ETS1: variants seen among roughly 807,000 people sequenced by gnomAD.
ETS1 encodes protein C-ets-1.
In ETS1, 15 loss-of-function variants were observed where a neutral mutation model predicts 58.6. The ratio of observed to expected loss-of-function variants is 0.26; its 90% confidence interval spans 0.17 to 0.39. The LOEUF is 0.39. ETS1 is among the 10% of genes least tolerant of loss of function. ETS1 has a pLI of 1.00. For missense variants in ETS1, 417 were observed against 610.5 expected (o/e 0.68, Z 3.34); for synonymous variants, 214 against 218.2 (o/e 0.98, Z 0.17).
At position 128,486,703 on chromosome 11, in the gene ETS1, T is replaced by C. The variant is rs764198007; in HGVS notation, c.536-557A>G. Among the ~76,000 whole-genome samples the C allele has an allele frequency of 6.5e-4, 99 of 152,260 alleles. 1 individual carries two copies. Among genetic ancestry groups the C allele is most frequent in the Non-Finnish European group, 1.3e-3 (86 of 68,020 alleles). Reference sequence around the variant, plus strand: ...CAGGACACTGGTAAGGTGACTCCATTTGGTGAAATGCGACTGCGCTTGTGT... The same window carrying C: ...CAGGACACTGGTAAGGTGACTCCATCTGGTGAAATGCGACTGCGCTTGTGT... On this transcript the variant is annotated intron_variant, in intron 5 of 9. Transcript: ENST00000392668.
At chr11:128,501,989 G>C (rs1026749713) in intron 3 of ETS1, among the ~76,000 whole-genome samples, 1 of 152,176 alleles carries the variant, frequency 6.6e-6, no homozygotes, top group African/African-American at 2.4e-5. Flanking sequence ...AAGAAAGACA[G>C]AGAAAGGGGG....
intron 3 of ETS1, among the ~76,000 whole-genome samples, chr11:128,510,542 G>C (rs1591630583): frequency 6.6e-6 from 1 of 152,144 alleles, no homozygotes; most frequent in Non-Finnish European, 1.5e-5. Context: ...TACATGGAGG[G>C]CACCAAGCCA....
Position 128,571,501 on chromosome 11 carries a change from CAAAAAAAAAAAAAAAAAAAAAAAA to C in ETS1, c.69+1537_69+1560del, listed in dbSNP as rs563312769. Among the ~76,000 whole-genome samples the C allele has an allele frequency of 1.2e-4, 4 of 32,896 alleles. 1 individual carries two copies. Among genetic ancestry groups the C allele is most frequent in the South Asian group, 4.0e-3 (2 of 500 alleles). 21.6% of individuals were successfully genotyped at this position (32,896 alleles called of 152,430 possible). Reference sequence around the variant, plus strand: ...CCTGGGCGACAGAGCAAGACTCCGTCAAAAAAAAAAAAAAAAAAAAAAAAAAAAAAAAAAAAAAAAAACTTCAAA... The same window carrying C: ...CCTGGGCGACAGAGCAAGACTCCGTCAAAAAAAAAAAAAAAAAACTTCAAA... On this transcript the variant is annotated intron_variant, in intron 2 of 9. Coordinates refer to ENST00000392668, the MANE Select transcript of ETS1 (RefSeq NM_001143820.2).
intron 2 of ETS1, among the ~76,000 whole-genome samples, chr11:128,560,294 G>A (rs556083313): frequency 6.6e-6 from 1 of 152,128 alleles, no homozygotes; most frequent in Non-Finnish European, 1.5e-5. Context: ...TGTATTTTTA[G>A]TAGAGTCGGG....
chr11:128,575,035 A>C (rs1439106460), intron 1 of ETS1, among the ~76,000 whole-genome samples: 1 of 152,080 alleles, frequency 6.6e-6, no homozygotes, highest in African/African-American at 2.4e-5. Context: ...GATTTCCTCC[A>C]AAAAAAGCCC....
rs772200837 is a variant in ETS1 at position 128,556,380 on chromosome 11, G to T, written c.125C>A (p.Ser42Tyr). The change falls in exon 3 of 10, where the codon TCC becomes TAC. Residue 42 changes from serine to tyrosine, a missense_variant. Transcript: ENST00000392668. ...EDPRMNCGFQ[S>Y]NYHQQRPCYP... ...GCAAGGTCTTTGCTGGTGATAATTGGACTGGAAACCACAGTTCATTCGAGG... is the reference window on the plus strand; with the variant it reads ...GCAAGGTCTTTGCTGGTGATAATTGTACTGGAAACCACAGTTCATTCGAGG... The T allele has an allele frequency of 6.2e-7, 1 of 1,612,770 alleles. No homozygotes were observed. The highest frequency in any genetic ancestry group is 1.1e-5 in the South Asian group (1 of 91,044).
chr11:128,465,399 C>T (rs570916369), intron 8 of ETS1, among the ~76,000 whole-genome samples: 49 of 152,314 alleles, frequency 3.2e-4, no homozygotes, highest in African/African-American at 1.1e-3. Context: ...AAAACCGTTT[C>T]GTATTCAACT....
chr11:128,563,412 G>A (rs1161583658), intron 2 of ETS1, among the ~76,000 whole-genome samples: 2 of 152,184 alleles, frequency 1.3e-5, no homozygotes, highest in Non-Finnish European at 1.5e-5. Context: ...AAAGACACAA[G>A]ACTAGAAATC....
rs747003708 is a variant in ETS1 at position 128,463,642 on chromosome 11, C to A, written c.1124-15G>T. ...TGGTCCACTGCCTAGAAACACAAGC[C>A]ATTGTGAATCATTACACCAGATATT... On this transcript the variant is annotated splice_polypyrimidine_tract_variant and intron_variant, in intron 8 of 9. Transcript: ENST00000392668. The surrounding 1 kb of genome is among the most constrained non-coding windows in gnomAD (Gnocchi z 4.1). 7.5e-7 allele frequency: 1 copy of A among 1,339,284 alleles called. No homozygotes were observed. Among genetic ancestry groups the A allele is most frequent in the Non-Finnish European group, 1.1e-6 (1 of 929,382 alleles). 83.0% of individuals were successfully genotyped at this position (1,339,284 alleles called of 1,614,324 possible).
chr11:128,518,962 A>G (rs1863595039), intron 3 of ETS1, among the ~76,000 whole-genome samples: 1 of 152,200 alleles, frequency 6.6e-6, no homozygotes, highest in Non-Finnish European at 1.5e-5. Flanking sequence ...AGAGTGTTGA[A>G]GGAAAGGAAA....
At chr11:128,561,792 G>T (rs191343621) in intron 2 of ETS1, among the ~76,000 whole-genome samples, 51 of 152,318 alleles carry the variant, frequency 3.3e-4, no homozygotes, top group Middle Eastern at 3.4e-3. Flanking sequence ...AGTTCAGATG[G>T]AGTGAGGGCA....
At chr11:128,529,472 G>A (rs573316360) in intron 3 of ETS1, among the ~76,000 whole-genome samples, 20 of 152,174 alleles carry the variant, frequency 1.3e-4, no homozygotes, top group Non-Finnish European at 2.1e-4. Context: ...TCGAAGTAGA[G>A]TATTGCTCTC....
Position 128,480,406 on chromosome 11 carries a change from T to C in ETS1, c.908A>G (p.Asp303Gly). 4.3e-6 allele frequency: 7 copies of C among 1,613,800 alleles called. No homozygotes were observed. Among genetic ancestry groups the C allele is most frequent in the Non-Finnish European group, 5.9e-6 (7 of 1,179,956 alleles). The change falls in exon 8 of 10, where the codon GAT becomes GGT. Residue 303 changes from aspartate to glycine, a missense_variant. Physicochemically the swap from Asp to Gly is moderately conservative, Grantham distance 94 (BLOSUM62 -1). This residue lies in a region of ETS1 where 139 missense variants were observed against 152.1 expected (regional missense o/e 0.91). Coordinates refer to ENST00000392668, the MANE Select transcript of ETS1 (RefSeq NM_001143820.2). ...QDSFESIESYDSCDRLTQSWS... is the reference protein window; with the variant it reads ...QDSFESIESYGSCDRLTQSWS... ...GGACTGGGTGAGGCGATCACAACTA[T>C]CGTAGCTCTCTATGCTTTCAAAAGA...
intron 3 of ETS1, among the ~76,000 whole-genome samples, chr11:128,493,943 C>T (rs1862871226): frequency 2.0e-5 from 3 of 152,136 alleles, no homozygotes; most frequent in African/African-American, 4.8e-5. Context: ...AATCATTACA[C>T]GGGTGAAAAA....
intron 3 of ETS1, chr11:128,521,929 C>G (rs765035333): frequency 1.2e-6 from 2 of 1,605,840 alleles, no homozygotes; most frequent in African/African-American, 1.3e-5. Context: ...AGGGGAAAAG[C>G]TCCAGATCGA....
At chr11:128,571,125 T>A (rs968803641) in intron 2 of ETS1, among the ~76,000 whole-genome samples, 1 of 152,062 alleles carries the variant, frequency 6.6e-6, no homozygotes, top group African/African-American at 2.4e-5. Flanking sequence ...TGGTTTTTTT[T>A]AATGCTAAAA....
chr11:128,560,186 C>T (rs1031935778), intron 2 of ETS1, among the ~76,000 whole-genome samples: 1 of 152,062 alleles, frequency 6.6e-6, no homozygotes, highest in Non-Finnish European at 1.5e-5. Context: ...AATCTCGGCT[C>T]ACTGCAACCT....
chr11:128,573,080 C>A lies in ETS1; in HGVS notation c.51G>T (p.Ala17=). ...SAGSSPVPYS[A]PRPAVVRQGP... is the part of the protein sequence containing the mutation. ...CACTCACCACCACTGCAGGACGAGG[C>A]GCTGAGTAAGGGACGGGGCTGCTCC... is the stretch of plus-strand genomic sequence containing the variant. Residue 17 remains alanine (A), a synonymous_variant, in exon 2 of 10, where the codon GCG becomes GCT. Transcript: ENST00000392668. 1.2e-6 allele frequency: 2 copies of A among 1,604,390 alleles called. No homozygotes were observed. The highest frequency in any genetic ancestry group is 1.7e-6 in the Non-Finnish European group (2 of 1,175,584).
chr11:128,551,491 T>C (rs964794278), intron 3 of ETS1, among the ~76,000 whole-genome samples: 14 of 152,216 alleles, frequency 9.2e-5, no homozygotes, highest in Non-Finnish European at 1.8e-4. Flanking sequence ...TGTTAGTAAA[T>C]TTGTTTTAGA....
Sources: allele counts gnomAD v4.1 joint callset (sites outside exome capture counted in the v4.1 genomes callset), GRCh38; gene constraint gnomAD v4.1.1; regional missense constraint gnomAD v4.1.1; non-coding constraint Gnocchi (gnomAD v3.1); transcripts MANE v1.5; gene names NCBI Gene and HGNC (gene_info 2026-07-23, HGNC 2026-07-21).